The following NCKAP1 variants were observed in gnomAD, a reference collection of about 807,000 sequenced individuals.
NCKAP1 encodes NCK associated protein 1.
A neutral mutation model predicts 151.2 loss-of-function variants in NCKAP1; 21 were observed. The observed-to-expected ratio is 0.14, with a 90% CI of 0.10 to 0.20. The LOEUF is 0.20. Among genes scored for constraint, NCKAP1 ranks in the 10% least tolerant of loss-of-function variants. NCKAP1 has a pLI of 1.00. For missense variants in NCKAP1, 933 were observed against 1,352.1 expected (o/e 0.69, Z 4.86); for synonymous variants, 484 against 451.8 (o/e 1.07, Z -0.90).
At chr2:183,000,914 G>A (rs181126793) in intron 6 of NCKAP1, among the ~76,000 whole-genome samples, 1 of 152,154 alleles carries the variant, frequency 6.6e-6, no homozygotes, top group Non-Finnish European at 1.5e-5. Context: ...GAAATATGGT[G>A]AAACCCTGTC....
At position 182,986,722 on chromosome 2, in the gene NCKAP1, A is replaced by C. The variant is rs1698064373; in HGVS notation, c.948-495T>G. Among the ~76,000 whole-genome samples, 3 of 152,174 alleles carry C rather than the reference A, an allele frequency of 2.0e-5. No individual in the cohort carries two copies. The South Asian group carries it at 6.2e-4, about 31-fold the overall frequency. ...AAGGAGAAAACTGAGGCAGAAAAGCATTTGCCGACTTCAAATTATTTTAAG... is the reference window on the plus strand; with the variant it reads ...AAGGAGAAAACTGAGGCAGAAAAGCCTTTGCCGACTTCAAATTATTTTAAG... On this transcript the variant is annotated intron_variant, in intron 9 of 30. Transcript: ENST00000361354.
rs1696856797 is a variant in NCKAP1 at position 182,935,593 on chromosome 2, A to G, written c.2696-218T>C. 3 of 346,678 alleles carry G rather than the reference A, an allele frequency of 8.7e-6. No homozygotes were observed. The Middle Eastern group carries it at 2.4e-3, about 281-fold the overall frequency. The allele number at this position is 346,678 out of a possible 1,614,324, so 21.5% of individuals were successfully genotyped here. On this transcript the variant is annotated intron_variant, in intron 24 of 30. Transcript: ENST00000361354. Reference sequence around the variant, plus strand: ...TTTTAAGTAACTATAGTTTCCATCAAATGGAGTATATTGTGCTCTTTCATA... The same window carrying G: ...TTTTAAGTAACTATAGTTTCCATCAGATGGAGTATATTGTGCTCTTTCATA...
chr2:183,008,075 C>T (rs370855996), intron 2 of NCKAP1, among the ~76,000 whole-genome samples: 10 of 152,028 alleles, frequency 6.6e-5, no homozygotes, highest in East Asian at 1.9e-4. Flanking sequence ...TATACGCATG[C>T]GCCAGCACAC....
chr2:182,966,580 C>G (rs1018278059), intron 16 of NCKAP1, among the ~76,000 whole-genome samples: 1 of 152,216 alleles, frequency 6.6e-6, no homozygotes, highest in African/African-American at 2.4e-5. Context: ...GCCACCGCGC[C>G]TGGCCACCAC....
rs1696531547 is a variant in NCKAP1, at chr2:182,920,445, G to C, written c.*5257C>G. 6.6e-6 allele frequency: 1 copy of C among 152,200 alleles called. No individual in the cohort carries two copies. Among genetic ancestry groups the C allele is most frequent in the Admixed American group, 6.5e-5 (1 of 15,284 alleles). 9.4% of individuals were successfully genotyped at this position (152,200 alleles called of 1,614,324 possible). A position where few individuals can be genotyped will look rare whatever the true frequency, so the allele number is the denominator to read the frequency against. Reference sequence around the variant, plus strand: ...TGTCACATTTCTAGAACCAAAATATGAGTCCGTGTGGGCTGCTATAACGAA... The same window carrying C: ...TGTCACATTTCTAGAACCAAAATATCAGTCCGTGTGGGCTGCTATAACGAA... On this transcript the variant is annotated 3_prime_UTR_variant, in exon 31 of 31. Transcript: ENST00000361354.
chr2:182,931,545 T>C (rs1343836012), intron 26 of NCKAP1, among the ~76,000 whole-genome samples: 1 of 152,034 alleles, frequency 6.6e-6, no homozygotes, highest in Non-Finnish European at 1.5e-5. Context: ...TAAACCTAAA[T>C]GTAAGAGCTA....
At chr2:183,007,894 A>G (rs998745210) in intron 2 of NCKAP1, among the ~76,000 whole-genome samples, 2 of 152,014 alleles carry the variant, frequency 1.3e-5, no homozygotes, top group African/African-American at 4.8e-5. Flanking sequence ...AATCTTCTCC[A>G]CATAGCAGCA....
In NCKAP1 at chr2:182,930,680, A is replaced by C. The variant is rs1490438417; in HGVS notation, c.2953+15T>G. 8.1e-6 allele frequency: 13 copies of C among 1,597,120 alleles called. No homozygotes were observed. The highest frequency in any genetic ancestry group is 1.0e-5 in the Non-Finnish European group (12 of 1,164,870). ...CTTTAACTAAGAGTATTAAATATTT[A>C]CTAATGCATTTTACCCGATTTTTGT... On this transcript the variant is annotated intron_variant, in intron 27 of 30. Coordinates refer to ENST00000361354, the MANE Select transcript of NCKAP1 (RefSeq NM_013436.5).
At chr2:183,025,950 A>T (rs77426227) in intron 1 of NCKAP1, among the ~76,000 whole-genome samples, 8,243 of 152,176 alleles carry the variant, frequency 0.054, 292 homozygotes, top group Non-Finnish European at 0.08. Flanking sequence ...TCTATTAGGG[A>T]CTATCACATA....
intron 1 of NCKAP1, among the ~76,000 whole-genome samples, chr2:183,029,839 A>G (rs1427363162): frequency 4.4e-4 from 67 of 151,134 alleles, no homozygotes; most frequent in African/African-American, 1.2e-3. Context: ...AAAAAAAAAA[A>G]AGAGAGAGAA....
chr2:183,000,022 C>T (rs1698347852), intron 6 of NCKAP1, among the ~76,000 whole-genome samples: 2 of 152,088 alleles, frequency 1.3e-5, no homozygotes, highest in Non-Finnish European at 2.9e-5. Flanking sequence ...GGGATAAGAA[C>T]TGAAAAACTA....
chr2:182,983,655 A>G (rs1697986504), intron 10 of NCKAP1, among the ~76,000 whole-genome samples: 1 of 152,186 alleles, frequency 6.6e-6, no homozygotes, highest in Non-Finnish European at 1.5e-5. Context: ...TTCAAGAAGC[A>G]TTTCCCAACA....
In NCKAP1 at chr2:183,031,668, G is replaced by A. The variant is rs111705038; in HGVS notation, c.108+6324C>T. Among the ~76,000 whole-genome samples the A allele has an allele frequency of 6.8e-3, 1,036 of 152,214 alleles. 22 individuals are homozygous for A. Among genetic ancestry groups the A allele is most frequent in the Admixed American group, 0.034 (526 of 15,282 alleles). The stretch of plus-strand genomic sequence containing the variant: ...CAGCCACCATTTCCTCAGCTCTTAC[G>A]CTTGCTACAAGGCACTGTACCAATA... On this transcript the variant is annotated intron_variant, in intron 1 of 30. Transcript: ENST00000361354.
At position 182,916,169 on chromosome 2, in the gene NCKAP1, C is replaced by CAAAAAAAAAAAAAAAAA. The variant is rs760047982; in HGVS notation, c.*9516_*9532dup. 1 of 87,908 alleles carries CAAAAAAAAAAAAAAAAA rather than the reference C, an allele frequency of 1.1e-5. No individual in the cohort carries two copies. The allele number at this position is 87,908 out of a possible 1,614,324, so 5.4% of individuals were successfully genotyped here. Reference sequence around the variant, plus strand: ...ACCTTGCTTCCCCTTCGCCTTCTGTCAAAAAAAAAAAAAAAAAAAAAACAT... The same window carrying CAAAAAAAAAAAAAAAAA: ...ACCTTGCTTCCCCTTCGCCTTCTGTCAAAAAAAAAAAAAAAAAAAAAAAAAAAAAAAAAAAAAAACAT... On this transcript the variant is annotated 3_prime_UTR_variant, in exon 31 of 31. Transcript: ENST00000361354.
intron 30 of NCKAP1, among the ~76,000 whole-genome samples, chr2:182,926,185 AACCAAACATAAGACCG>A (rs1203328891): frequency 2.0e-5 from 3 of 152,036 alleles, no homozygotes; most frequent in Non-Finnish European, 4.4e-5. Flanking sequence ...TAGGAAGCAA[AACCAAACATAAGACCG>A]ACTATAATGA....
chr2:182,969,799 G>A (rs1660139451), intron 15 of NCKAP1, among the ~76,000 whole-genome samples: 1 of 151,704 alleles, frequency 6.6e-6, no homozygotes, highest in Admixed American at 6.6e-5. Flanking sequence ...GATCGGAGCA[G>A]AAATAAAGAA....
chr2:182,967,342 T>C lies in NCKAP1; in HGVS notation c.1502A>G (p.Lys501Arg), dbSNP rs1393677220. 6.2e-7 allele frequency: 1 copy of C among 1,610,604 alleles called. No homozygotes were observed. The highest frequency in any genetic ancestry group is 8.5e-7 in the Non-Finnish European group (1 of 1,178,652). ...FRLQAYTSVS[K>R]ASLGLADHRE... The stretch of plus-strand genomic sequence containing the variant: ...GTGATCTGCAAGGCCAAGTGAAGCC[T>C]TTGAGACACTAGTATATGCCTATAA... The change falls in exon 16 of 31, where the codon AAG becomes AGG. Residue 501 changes from lysine to arginine, a missense_variant. Around this residue, in one of 2 missense-constraint regions of NCKAP1, gnomAD observed 607 missense variants for 795.0 expected, o/e 0.76. Coordinates refer to ENST00000361354, the MANE Select transcript of NCKAP1 (RefSeq NM_013436.5).
At chr2:182,993,837 A>G (rs1036008696) in intron 8 of NCKAP1, among the ~76,000 whole-genome samples, 2 of 152,228 alleles carry the variant, frequency 1.3e-5, no homozygotes, top group African/African-American at 4.8e-5. Context: ...ACAAACCTGC[A>G]CATGTATGCA....
chr2:182,989,275 G>A (rs566744079), intron 8 of NCKAP1, 89 bp from the exon 9 acceptor site: 48 of 997,852 alleles, frequency 4.8e-5, no homozygotes, highest in Non-Finnish European at 5.8e-5. Flanking sequence ...ATACAGAAAC[G>A]TAACCACGAT....
Sources: gnomAD v4.1 joint callset for allele counts (sites outside exome capture counted in the v4.1 genomes callset) on GRCh38, gnomAD v4.1.1 for gene constraint, gnomAD v4.1.1 regional missense constraint, MANE v1.5 for transcripts, NCBI Gene and HGNC (gene_info 2026-07-23, HGNC 2026-07-21) for gene names.